Variants in ACYP2 observed in about 807,000 individuals in gnomAD.
ACYP2 encodes acylphosphatase-2.
Under a neutral mutation model 11.2 loss-of-function variants are expected in ACYP2, and 12 were observed. The ratio of observed to expected loss-of-function variants is 1.08; its 90% CI spans 0.69 to 1.74. ACYP2 has a LOEUF of 1.74. Ranked by LOEUF, ACYP2 falls within the 40% of genes most tolerant of loss-of-function variation. The pLI is 0.00. For synonymous variants in ACYP2, 43 were observed against 32.2 expected, an observed-to-expected ratio of 1.33 and a Z score of -1.13; for missense variants, 134 against 101.9, an observed-to-expected ratio of 1.31 and a Z score of -1.35.
At chr2:54,198,164 C>T (rs536800128) in intron 6 of ACYP2, among the ~76,000 whole-genome samples, 1 of 152,116 alleles carries the variant, frequency 6.6e-6, no homozygotes, top group East Asian at 1.9e-4. Context: ...GGATTACAGG[C>T]CTGCGCCACT....
chr2:54,013,805 A>G (rs947868535), intron 2 of ACYP2, among the ~76,000 whole-genome samples: 1 of 152,060 alleles, frequency 6.6e-6, no homozygotes, highest in Non-Finnish European at 1.5e-5. Flanking sequence ...ATTGTACTAA[A>G]TGAAGTGACA....
chr2:54,135,778 G>A (rs188593044), intron 5 of ACYP2, among the ~76,000 whole-genome samples: 25 of 152,256 alleles, frequency 1.6e-4, no homozygotes, highest in African/African-American at 4.8e-4. Flanking sequence ...ACATGTTCTG[G>A]ATGGAAGAAA....
intron 6 of ACYP2, among the ~76,000 whole-genome samples, chr2:54,146,409 T>C (rs950467568): frequency 1.8e-4 from 28 of 152,046 alleles, no homozygotes; most frequent in African/African-American, 6.5e-4. Context: ...ACCCTCTTCT[T>C]TTAGAACTTC....
chr2:54,117,095 A>G (rs1679854461), intron 4 of ACYP2, among the ~76,000 whole-genome samples: 1 of 152,142 alleles, frequency 6.6e-6, no homozygotes, highest in South Asian at 2.1e-4. Flanking sequence ...TTAGAGCGCA[A>G]AGAACCGAGC....
intron 6 of ACYP2, among the ~76,000 whole-genome samples, chr2:54,258,716 G>A (rs941355026): frequency 6.6e-5 from 10 of 152,120 alleles, no homozygotes; most frequent in Non-Finnish European, 1.5e-4. Flanking sequence ...GGTGGATGGT[G>A]GACATAGTAT....
intron 6 of ACYP2, chr2:54,256,189 G>C (rs992595926): frequency 6.4e-7 from 1 of 1,568,112 alleles, no homozygotes; most frequent in African/African-American, 1.4e-5. Flanking sequence ...TAGAGGCCAG[G>C]CCAGAGGTAG....
chr2:54,091,081 C>T (rs997759122), intron 4 of ACYP2, among the ~76,000 whole-genome samples: 1 of 152,184 alleles, frequency 6.6e-6, no homozygotes, highest in African/African-American at 2.4e-5. Context: ...TTTCTCAACA[C>T]CTACAAGAGC....
At chr2:54,252,445 C>CT (rs1319094320) in intron 6 of ACYP2, among the ~76,000 whole-genome samples, 1 of 152,152 alleles carries the variant, frequency 6.6e-6, no homozygotes, top group African/African-American at 2.4e-5. Flanking sequence ...AGGGTTCGCA[C>CT]TGGTGCTGCC....
chr2:53,973,357 A>C (rs1671267619), intron 1 of ACYP2, among the ~76,000 whole-genome samples: 3 of 152,198 alleles, frequency 2.0e-5, no homozygotes, highest in Admixed American at 6.5e-5. Context: ...CTCTGAGCCC[A>C]AGCTAAGCCA....
At chr2:54,219,835 A>ATG (rs1251343941) in intron 6 of ACYP2, among the ~76,000 whole-genome samples, 37 of 129,850 alleles carry the variant, frequency 2.8e-4, no homozygotes, top group African/African-American at 9.2e-4. Flanking sequence ...GTGTATATAT[A>ATG]TGTGTATGTG....
intron 2 of ACYP2, among the ~76,000 whole-genome samples, chr2:53,979,095 C>A (rs143093613): frequency 9.0e-4 from 137 of 151,844 alleles, no homozygotes; most frequent in African/African-American, 3.1e-3. Context: ...CAGCCTCAGG[C>A]AGGTCCTTCA....
Position 54,147,297 on chromosome 2 carries a change from T to G in ACYP2, c.404+8549T>G, listed in dbSNP as rs1024502188. On this transcript the variant is annotated intron_variant, in intron 6 of 6. Coordinates refer to ENST00000607452, the MANE Select transcript of ACYP2 (RefSeq NM_001320586.2). ...TAAGGAAATTTTCCAATATGTAGAC[T>G]TATGGGCTTGAGGAATGGTGGTGAC... is the stretch of plus-strand genomic sequence containing the variant. 5.3e-5 allele frequency among the ~76,000 whole-genome samples: 8 copies of G among 152,066 alleles called. 1 individual carries two copies. Among genetic ancestry groups the G allele is most frequent in the Admixed American group, 3.9e-4 (6 of 15,266 alleles).
chr2:54,207,611 A>T (rs1047840368), intron 6 of ACYP2, among the ~76,000 whole-genome samples: 6 of 152,176 alleles, frequency 3.9e-5, no homozygotes, highest in Non-Finnish European at 8.8e-5. Flanking sequence ...TGCATATGTT[A>T]TTGTCAGTAA....
intron 6 of ACYP2, among the ~76,000 whole-genome samples, chr2:54,246,893 A>G (rs536554228): frequency 6.6e-6 from 1 of 152,308 alleles, no homozygotes; most frequent in South Asian, 2.1e-4. Flanking sequence ...TGATTTCAAC[A>G]TATTTCTAAA....
intron 2 of ACYP2, among the ~76,000 whole-genome samples, chr2:53,987,033 C>G (rs1334713345): frequency 1.3e-5 from 2 of 152,120 alleles, no homozygotes; most frequent in Non-Finnish European, 2.9e-5. Context: ...CAAATACATG[C>G]AACAATATGG....
At chr2:54,035,544 T>A (rs1427949548) in intron 2 of ACYP2, among the ~76,000 whole-genome samples, 1 of 152,092 alleles carries the variant, frequency 6.6e-6, no homozygotes, top group Non-Finnish European at 1.5e-5. Context: ...GAATTACAGG[T>A]GCAAGCCACC....
At chr2:54,180,622 A>G (rs933608460) in intron 6 of ACYP2, among the ~76,000 whole-genome samples, 1 of 152,142 alleles carries the variant, frequency 6.6e-6, no homozygotes, top group Non-Finnish European at 1.5e-5. Flanking sequence ...TGGCATGATC[A>G]TGGCTCACTG....
chr2:54,061,212 T>A (rs1676453648), intron 4 of ACYP2, among the ~76,000 whole-genome samples: 2 of 152,234 alleles, frequency 1.3e-5, no homozygotes, highest in Admixed American at 6.5e-5. Flanking sequence ...GCAATCCAAC[T>A]TTTGGATATG....
At chr2:54,212,267 G>A (rs1425673842) in intron 6 of ACYP2, among the ~76,000 whole-genome samples, 1 of 152,108 alleles carries the variant, frequency 6.6e-6, no homozygotes, top group African/African-American at 2.4e-5. Flanking sequence ...ATACACACAG[G>A]GTGAGGATGA....
Sources: allele counts gnomAD v4.1 joint callset (sites outside exome capture counted in the v4.1 genomes callset), GRCh38; gene constraint gnomAD v4.1.1; transcripts MANE v1.5; gene names NCBI Gene and HGNC (gene_info 2026-07-23, HGNC 2026-07-21).